Variants in GPR89B observed in about 807,000 individuals in gnomAD.
The protein encoded by GPR89B is golgi pH regulator B, also known as G protein-coupled receptor 89B.
Under a neutral mutation model 52.4 loss-of-function variants are expected in GPR89B, and 25 were observed. That is an observed-to-expected ratio of 0.48 (90% CI 0.35 to 0.67). The LOEUF (loss-of-function observed/expected upper bound fraction) is 0.67. GPR89B is among the 30% of genes least tolerant of loss of function. The probability of loss-of-function intolerance (pLI) is 0.01; values close to 1 mark genes in which losing one functional copy is unlikely to be tolerated. For synonymous variants in GPR89B, 52 were observed against 151.2 expected (o/e 0.34, Z 4.81); for missense variants, 146 against 450.2 (o/e 0.32, Z 6.11).
At chr1:147,970,534 T>TCTC (rs1657372459) in intron 10 of GPR89B, among the ~76,000 whole-genome samples, 1 of 114,814 alleles carries the variant, frequency 8.7e-6, no homozygotes, top group Non-Finnish European at 1.9e-5. Flanking sequence ...TCTCTCTCTC[T>TCTC]ATCTCTATCT....
At chr1:147,976,721 G>A (rs1657851286) in intron 10 of GPR89B, among the ~76,000 whole-genome samples, 1 of 151,934 alleles carries the variant, frequency 6.6e-6, no homozygotes, top group South Asian at 2.1e-4. Flanking sequence ...ACTTGTTATT[G>A]TAGTTGCTTC....
At chr1:147,950,707 G>T (rs1655599329) in intron 5 of GPR89B, among the ~76,000 whole-genome samples, 1 of 152,206 alleles carries the variant, frequency 6.6e-6, no homozygotes, top group Non-Finnish European at 1.5e-5. Flanking sequence ...GAGGCTGGCG[G>T]ATCACTCGCA....
At chr1:148,002,096 A>G in the GPR89B span, among the ~76,000 whole-genome samples, 1 of 134,560 alleles carries the variant, frequency 7.4e-6, no homozygotes, top group Non-Finnish European at 1.5e-5. Context: ...GCTGCTGGGT[A>G]TCTCCAACAA....
chr1:148,013,236 G>A, the GPR89B span, among the ~76,000 whole-genome samples: 1 of 152,102 alleles, frequency 6.6e-6, no homozygotes, highest in Non-Finnish European at 1.5e-5. Context: ...GAGAGAGGAA[G>A]AGGAGTCCGC....
intron 7 of GPR89B, among the ~76,000 whole-genome samples, chr1:147,957,317 T>C (rs1656190351): frequency 6.6e-6 from 1 of 152,104 alleles, no homozygotes; most frequent in Non-Finnish European, 1.5e-5. Flanking sequence ...TTGAACTAGT[T>C]ACTTTATGTC....
chr1:147,986,047 C>T, intron 10 of GPR89B, 152 bp from the exon 11 acceptor site: 2 of 1,511,452 alleles, frequency 1.3e-6, no homozygotes, highest in Non-Finnish European at 1.8e-6. Flanking sequence ...AATAGATTTC[C>T]TATATATGAT....
At chr1:147,941,538 C>T (rs1654558384) in intron 3 of GPR89B, among the ~76,000 whole-genome samples, 1 of 150,908 alleles carries the variant, frequency 6.6e-6, no homozygotes, top group African/African-American at 2.4e-5. Flanking sequence ...AAGGAAGGAA[C>T]AATAAGAAAC....
chr1:147,995,401 T>C (rs1351290015), downstream of GPR89B, among the ~76,000 whole-genome samples: 1 of 151,606 alleles, frequency 6.6e-6, no homozygotes, highest in Non-Finnish European at 1.5e-5. Flanking sequence ...AGCTGCATGC[T>C]ATGAAAGTAA....
chr1:147,940,398 A>G (rs1251365252), intron 3 of GPR89B, among the ~76,000 whole-genome samples: 3 of 151,724 alleles, frequency 2.0e-5, no homozygotes, highest in Non-Finnish European at 4.4e-5. Context: ...GCAAGACTCC[A>G]TCTCAAAAAA....
chr1:147,940,627 A>G (rs1315283753), intron 3 of GPR89B, among the ~76,000 whole-genome samples: 1 of 152,216 alleles, frequency 6.6e-6, no homozygotes. Context: ...GAAGGTTTCT[A>G]TCACAAGTAC....
At chr1:147,928,642 C>T in intron 1 of GPR89B, 64 bp downstream of exon 1, 1 of 1,601,472 alleles carries the variant, frequency 6.2e-7, no homozygotes, top group African/African-American at 1.3e-5. Flanking sequence ...CCTCTCCGGT[C>T]CTCCGCGGTG....
At chr1:147,976,742 T>A (rs1463387751) in intron 10 of GPR89B, among the ~76,000 whole-genome samples, 1 of 152,006 alleles carries the variant, frequency 6.6e-6, no homozygotes, top group Non-Finnish European at 1.5e-5. Flanking sequence ...ATAGTGTCAT[T>A]GCTTTGTGTA....
At chr1:147,968,270 T>C (rs1657176412) in intron 8 of GPR89B, 5 of 453,724 alleles carry the variant, frequency 1.1e-5, no homozygotes, top group Non-Finnish European at 2.2e-5. Flanking sequence ...GAAAAGAGGA[T>C]TTGACTTTGC....
At chr1:148,001,841 G>A in the GPR89B span, among the ~76,000 whole-genome samples, 1 of 151,688 alleles carries the variant, frequency 6.6e-6, no homozygotes, top group Admixed American at 6.6e-5. Flanking sequence ...AAGTCAGTGG[G>A]CATACTTGTA....
At chr1:148,003,035 T>G in the GPR89B span, among the ~76,000 whole-genome samples, 2 of 152,256 alleles carry the variant, frequency 1.3e-5, no homozygotes, top group East Asian at 3.8e-4. Context: ...CCCTTCATTA[T>G]GGACATATGT....
At chr1:147,932,763 G>A (rs1558029566) in intron 1 of GPR89B, among the ~76,000 whole-genome samples, 2 of 152,078 alleles carry the variant, frequency 1.3e-5, no homozygotes, top group Non-Finnish European at 1.5e-5. Context: ...CCGGTTTAAA[G>A]CCATTCTACC....
chr1:147,935,486 A>T, intron 1 of GPR89B, among the ~76,000 whole-genome samples: 1 of 152,222 alleles, frequency 6.6e-6, no homozygotes, highest in East Asian at 1.9e-4. Flanking sequence ...TTTACTACAG[A>T]CCAGCTTTGT....
At chr1:147,964,026 A>G (rs1162476308) in intron 7 of GPR89B, among the ~76,000 whole-genome samples, 3 of 152,104 alleles carry the variant, frequency 2.0e-5, no homozygotes, top group African/African-American at 7.2e-5. Flanking sequence ...GAATTAAGGA[A>G]TTGGAGGTGG....
the GPR89B span, among the ~76,000 whole-genome samples, chr1:148,020,987 A>C: frequency 6.6e-6 from 1 of 150,876 alleles, no homozygotes; most frequent in African/African-American, 2.4e-5. Flanking sequence ...GGCCCCGGAG[A>C]GGAATTTATC....
Sources: gnomAD v4.1 joint callset for allele counts (sites outside exome capture counted in the v4.1 genomes callset) on GRCh38, gnomAD v4.1.1 for gene constraint, MANE v1.5 for transcripts, NCBI Gene and HGNC (gene_info 2026-07-23, HGNC 2026-07-21) for gene names.